BIRC5: variants seen among roughly 807,000 people sequenced by gnomAD.
The protein encoded by BIRC5 is baculoviral IAP repeat-containing protein 5.
Under a neutral mutation model 15.8 loss-of-function variants are expected in BIRC5, and 8 were observed. The observed-to-expected ratio is 0.51, with a 90% CI of 0.30 to 0.91. The LOEUF is 0.91. BIRC5 is among the 40% of genes least tolerant of loss of function. The probability of loss-of-function intolerance (pLI) is 0.07; values close to 1 mark genes in which losing one functional copy is unlikely to be tolerated. For missense variants in BIRC5, 163 were observed against 178.6 expected (o/e 0.91, Z 0.50); for synonymous variants, 56 against 64.5 (o/e 0.87, Z 0.63).
Position 78,214,806 on chromosome 17 carries a change from C to T in BIRC5, c.221+17C>T. 1.3e-6 allele frequency: 2 copies of T among 1,597,544 alleles called. No homozygotes were observed. The highest frequency in any genetic ancestry group is 1.7e-6 in the Non-Finnish European group (2 of 1,169,912). ...CGACCCCATGTAAGTCTTCTCTGGC[C>T]AGCCTCGATGGGCTTTGTTTTGAAC... is the stretch of plus-strand genomic sequence containing the variant. On this transcript the variant is annotated intron_variant, in intron 2 of 3. Transcript: ENST00000350051.
intron 3 of BIRC5, among the ~76,000 whole-genome samples, chr17:78,220,102 C>T (rs2076504987): frequency 6.8e-6 from 1 of 148,014 alleles, no homozygotes; most frequent in African/African-American, 2.5e-5. Context: ...TAGGGGGAGT[C>T]CACTCACCTG....
intron 2 of BIRC5, 101 bp from the exon 3 acceptor site, chr17:78,216,563 C>A (rs1019027910): frequency 2.2e-6 from 2 of 920,816 alleles, no homozygotes; most frequent in Non-Finnish European, 3.5e-6. Context: ...TGAGGCAGAG[C>A]AGGGTGTGCC....
intron 2 of BIRC5, chr17:78,215,997 A>G: frequency 8.5e-6 from 9 of 1,060,386 alleles, no homozygotes; most frequent in Non-Finnish European, 1.0e-5. Context: ...CGCCTGTAAT[A>G]CCAGCACTTT....
intron 3 of BIRC5, among the ~76,000 whole-genome samples, chr17:78,222,527 TG>T (rs1205248886): frequency 6.6e-6 from 1 of 151,732 alleles, no homozygotes; most frequent in Non-Finnish European, 1.5e-5. Flanking sequence ...TTAGCCGGGG[TG>T]GTGGCGCATG....
chr17:78,217,498 AATTT>A (rs985820764), intron 3 of BIRC5, among the ~76,000 whole-genome samples: 24 of 145,862 alleles, frequency 1.6e-4, no homozygotes, highest in African/African-American at 5.9e-4. Flanking sequence ...TTTATTTTTA[AATTT>A]ATTTATTTAT....
chr17:78,215,475 G>A (rs1396343366), intron 2 of BIRC5, among the ~76,000 whole-genome samples: 1 of 151,922 alleles, frequency 6.6e-6, no homozygotes, highest in African/African-American at 2.4e-5. Flanking sequence ...TGTTGTTCTG[G>A]ATTTTTTTCT....
intron 2 of BIRC5, among the ~76,000 whole-genome samples, chr17:78,215,431 G>GAA (rs955782633): frequency 7.4e-6 from 1 of 135,518 alleles, no homozygotes; most frequent in African/African-American, 2.7e-5. Context: ...ATAAAAAATT[G>GAA]AAAAAAAAAA....
chr17:78,215,879 C>A (rs2145893479), intron 2 of BIRC5: 2 of 1,064,218 alleles, frequency 1.9e-6, no homozygotes, highest in Non-Finnish European at 1.2e-6. Context: ...CAGGGAGACT[C>A]CCCTAGCAGA....
intron 3 of BIRC5, chr17:78,222,753 A>T: frequency 6.6e-7 from 1 of 1,511,598 alleles, no homozygotes; most frequent in Non-Finnish European, 8.8e-7. Context: ...GTAGTAGAGG[A>T]GTTAGGGTTT....
In BIRC5 at chr17:78,225,347, T is replaced by C. The variant is rs1042542; in HGVS notation, c.*1793T>C. 0.64 allele frequency: 96,988 copies of C among 152,118 alleles called. 30,987 individuals carry two copies. Among genetic ancestry groups the C allele is most frequent in the Middle Eastern group, 0.76 (224 of 294 alleles). 9.4% of individuals were successfully genotyped at this position (152,118 alleles called of 1,614,324 possible). A position where few individuals can be genotyped will look rare whatever the true frequency, so the allele number is the denominator to read the frequency against. ...ATAAAGCCGTAGGCCCTTGTCTAAG[T>C]GCAACCGCCTAGACTTTCTTTCAGA... On this transcript the variant is annotated 3_prime_UTR_variant, in exon 4 of 4. Coordinates refer to ENST00000350051, the MANE Select transcript of BIRC5 (RefSeq NM_001168.3).
chr17:78,214,292 C>A lies in BIRC5; in HGVS notation c.-25C>A. ...ACCGCCAGATTTGAATCGCGGGACC[C>A]GTTGGCAGAGGTGGCGGCGGCGGCA... On this transcript the variant is annotated 5_prime_UTR_variant, in exon 1 of 4. Coordinates refer to ENST00000350051, the MANE Select transcript of BIRC5 (RefSeq NM_001168.3). 6 of 1,588,834 alleles carry A rather than the reference C, an allele frequency of 3.8e-6. No homozygotes were observed. Among genetic ancestry groups the A allele is most frequent in the South Asian group, 3.4e-5 (3 of 88,912 alleles).
At chr17:78,223,271 C>G (rs2076527232) in intron 3 of BIRC5, among the ~76,000 whole-genome samples, 194 bp from the exon 4 acceptor site, 1 of 152,206 alleles carries the variant, frequency 6.6e-6, no homozygotes, top group Non-Finnish European at 1.5e-5. Flanking sequence ...GATTAGGAGG[C>G]AGCTTAAACT....
rs368114063 is a variant in BIRC5 at position 78,216,665 on chromosome 17, G to A, written c.223G>A (p.Glu75Lys). The change falls in exon 3 of 4, where the codon GAG becomes AAG. Residue 75 changes from glutamate (E) to lysine (K), a missense_variant and splice_region_variant. By Grantham distance (56) the Glu-to-Lys change is moderately conservative (BLOSUM62 1). Coordinates refer to ENST00000350051, the MANE Select transcript of BIRC5 (RefSeq NM_001168.3). ...CCGCTGTTGTTTTGATTTTTCTAGA[G>A]AGGAACATAAAAAGCATTCGTCCGG... ...EGWEPDDDPIEEHKKHSSGCA... is the reference protein window; with the variant it reads ...EGWEPDDDPIKEHKKHSSGCA... The A allele has an allele frequency of 2.5e-5, 41 of 1,613,244 alleles. No individual in the cohort carries two copies. In the East Asian group the frequency reaches 8.7e-4, roughly 34 times the overall value.
At chr17:78,216,581 G>T in intron 2 of BIRC5, 83 bp from the exon 3 acceptor site, 1 of 1,121,616 alleles carries the variant, frequency 8.9e-7, no homozygotes, top group Non-Finnish European at 1.3e-6. Context: ...GCCTGTGGAG[G>T]GCGTGGGGAG....
Position 78,225,264 on chromosome 17 carries a change from T to C in BIRC5, c.*1710T>C, listed in dbSNP as rs533509901. ...TGCCACGGCCTTTCCTTAAAGGCCA[T>C]CCTTAAAACCAGACCCTCATGGCTA... On this transcript the variant is annotated 3_prime_UTR_variant, in exon 4 of 4. Transcript: ENST00000350051. The C allele has an allele frequency of 2.0e-5, 3 of 152,216 alleles. No individual in the cohort carries two copies. The highest frequency in any genetic ancestry group is 2.0e-4 in the Admixed American group (3 of 15,272). The allele number at this position is 152,216 out of a possible 1,614,324, so 9.4% of individuals were successfully genotyped here. A position where few individuals can be genotyped will look rare whatever the true frequency, so the allele number is the denominator to read the frequency against.
intron 1 of BIRC5, 88 bp from the exon 2 acceptor site, chr17:78,214,592 C>A: frequency 7.4e-7 from 1 of 1,354,702 alleles, no homozygotes; most frequent in Non-Finnish European, 1.0e-6. Flanking sequence ...GCCTCCCCTC[C>A]CTGCTTTGTC....
At chr17:78,223,082 C>G (rs889018968) in intron 3 of BIRC5, 1 of 1,161,996 alleles carries the variant, frequency 8.6e-7, no homozygotes, top group East Asian at 2.8e-5. Context: ...GGTGCCTAGA[C>G]TAGCTGGGTA....
rs753843703 is a variant in BIRC5, at chr17:78,214,291, C to T, written c.-26C>T. 6.3e-7 allele frequency: 1 copy of T among 1,586,766 alleles called. No homozygotes were observed. The highest frequency in any genetic ancestry group is 8.6e-7 in the Non-Finnish European group (1 of 1,164,916). On this transcript the variant is annotated 5_prime_UTR_variant, in exon 1 of 4. Transcript: ENST00000350051. ...AACCGCCAGATTTGAATCGCGGGAC[C>T]CGTTGGCAGAGGTGGCGGCGGCGGC...
intron 3 of BIRC5, chr17:78,222,722 T>C: frequency 1.4e-6 from 2 of 1,417,286 alleles, no homozygotes; most frequent in Admixed American, 2.8e-5. Flanking sequence ...TTTAACCCAA[T>C]AAAGGTCTTT....
Sources: allele counts gnomAD v4.1 joint callset (sites outside exome capture counted in the v4.1 genomes callset), GRCh38; gene constraint gnomAD v4.1.1; transcripts MANE v1.5; gene names NCBI Gene and HGNC (gene_info 2026-07-23, HGNC 2026-07-21).